Variants in HSD17B3 observed in about 807,000 individuals in gnomAD.
HSD17B3 encodes hydroxysteroid 17-beta dehydrogenase 3.
A neutral mutation model predicts 41.1 loss-of-function variants in HSD17B3; 29 were observed. That is an observed-to-expected ratio of 0.71 (90% CI 0.53 to 0.96). The LOEUF (loss-of-function observed/expected upper bound fraction) is 0.96. HSD17B3 is among the 40% of genes least tolerant of loss of function. HSD17B3 has a pLI of 0.00. For synonymous variants in HSD17B3, 126 were observed against 145.6 expected (o/e 0.87, Z 0.97); for missense variants, 323 against 374.6 (o/e 0.86, Z 1.14).
intron 2 of HSD17B3, among the ~76,000 whole-genome samples, chr9:96,265,350 G>A (rs923659228): frequency 8.5e-5 from 13 of 152,182 alleles, no homozygotes; most frequent in African/African-American, 2.9e-4. Context: ...TTCTTGCTTA[G>A]ATCCTTTGTT....
At chr9:96,281,853 C>G (rs1051265900) in intron 2 of HSD17B3, among the ~76,000 whole-genome samples, 23 of 152,328 alleles carry the variant, frequency 1.5e-4, no homozygotes, top group Admixed American at 7.9e-4. Flanking sequence ...TCGCCTCCCC[C>G]ACCCTGCCTC....
rs1836828028 is a variant in HSD17B3, at chr9:96,249,939, A to G, written c.454-153T>C. On this transcript the variant is annotated intron_variant, in intron 5 of 10. Coordinates refer to ENST00000375263, the MANE Select transcript of HSD17B3 (RefSeq NM_000197.2). Reference sequence around the variant, plus strand: ...CAAATTAGGCTCATAACTGCCTTCCAGCAAGCATGTACTAGCATCAAGAAA... The same window carrying G: ...CAAATTAGGCTCATAACTGCCTTCCGGCAAGCATGTACTAGCATCAAGAAA... 5 of 1,537,592 alleles carry G rather than the reference A, an allele frequency of 3.3e-6. No individual in the cohort carries two copies. The Admixed American group carries it at 7.8e-5, about 24-fold the overall frequency.
intron 10 of HSD17B3, among the ~76,000 whole-genome samples, chr9:96,240,249 A>C (rs1836384380): frequency 1.3e-5 from 2 of 152,158 alleles, no homozygotes; most frequent in Admixed American, 1.3e-4. Context: ...TAAAAATGAA[A>C]ACTAAAAAAA....
At chr9:96,296,154 G>A (rs1225504115) in intron 2 of HSD17B3, among the ~76,000 whole-genome samples, 1 of 152,108 alleles carries the variant, frequency 6.6e-6, no homozygotes, top group Admixed American at 6.5e-5. Flanking sequence ...GAGGCTGAGT[G>A]GGAGTATCAC....
At chr9:96,271,152 A>T (rs908158605) in intron 2 of HSD17B3, among the ~76,000 whole-genome samples, 6 of 152,186 alleles carry the variant, frequency 3.9e-5, no homozygotes, top group Non-Finnish European at 5.9e-5. Context: ...CTTAGTGTTC[A>T]TCCCTAAAGG....
intron 2 of HSD17B3, among the ~76,000 whole-genome samples, chr9:96,272,999 T>C (rs1826323111): frequency 6.6e-6 from 1 of 152,164 alleles, no homozygotes; most frequent in Admixed American, 6.5e-5. Flanking sequence ...TTAGATAACA[T>C]TCTTGAAGTG....
Position 96,245,284 on chromosome 9 carries a change from T to G in HSD17B3, c.606+61A>C, listed in dbSNP as rs1011611336. On this transcript the variant is annotated intron_variant, in intron 8 of 10. Transcript: ENST00000375263. ...CAACTTGCCAGATGATCAAAGGAAA[T>G]TGCCAACTGGGAGAAATAAGAGGAA... 1.4e-5 allele frequency: 19 copies of G among 1,320,828 alleles called. No homozygotes were observed. The African/African-American group carries it at 2.7e-4, about 19-fold the overall frequency. 81.8% of individuals were successfully genotyped at this position (1,320,828 alleles called of 1,614,324 possible).
At chr9:96,262,045 A>C (rs1825879485) in intron 2 of HSD17B3, among the ~76,000 whole-genome samples, 2 of 152,142 alleles carry the variant, frequency 1.3e-5, no homozygotes, top group Admixed American at 1.3e-4. Flanking sequence ...CAGTGAGGCA[A>C]CAGGAGTGGC....
At position 96,255,367 on chromosome 9, in the gene HSD17B3, C is replaced by CTTTTTTTTTTTTTTTTTTTTTTTTTTTT. The variant is rs869145717; in HGVS notation, c.202-452_202-425dup. Among the ~76,000 whole-genome samples, 7 of 54,566 alleles carry CTTTTTTTTTTTTTTTTTTTTTTTTTTTT rather than the reference C, an allele frequency of 1.3e-4. 1 individual carries two copies. Among genetic ancestry groups the CTTTTTTTTTTTTTTTTTTTTTTTTTTTT allele is most frequent in the Non-Finnish European group, 1.4e-4 (4 of 29,474 alleles). 35.8% of individuals were successfully genotyped at this position (54,566 alleles called of 152,430 possible). A position where few individuals can be genotyped will look rare whatever the true frequency, so the allele number is the denominator to read the frequency against. On this transcript the variant is annotated intron_variant, in intron 2 of 10. Coordinates refer to ENST00000375263, the MANE Select transcript of HSD17B3 (RefSeq NM_000197.2). ...AAGCAGTGTTTCTGCCCCAACATTT[C>CTTTTTTTTTTTTTTTTTTTTTTTTTTTT]TTTTTTTTTTTTTTTTTTTTTTTTT...
intron 2 of HSD17B3, among the ~76,000 whole-genome samples, chr9:96,278,740 A>G (rs757896230): frequency 4.6e-5 from 7 of 152,206 alleles, no homozygotes; most frequent in African/African-American, 2.4e-5. Context: ...GCTGTTAAGT[A>G]TTGGGTTTTT....
chr9:96,241,595 A>AT (rs1320781945), intron 9 of HSD17B3, among the ~76,000 whole-genome samples: 1 of 152,104 alleles, frequency 6.6e-6, no homozygotes, highest in Non-Finnish European at 1.5e-5. Context: ...GGGATTCATA[A>AT]TGGGGTTTTA....
chr9:96,272,559 A>G (rs1826307803), intron 2 of HSD17B3, among the ~76,000 whole-genome samples: 1 of 149,300 alleles, frequency 6.7e-6, no homozygotes, highest in Non-Finnish European at 1.5e-5. Context: ...CTAAAGTAAA[A>G]ACTAATGACA....
At chr9:96,298,676 T>G (rs575766641) in intron 1 of HSD17B3, among the ~76,000 whole-genome samples, 194 of 151,998 alleles carry the variant, frequency 1.3e-3, no homozygotes, top group African/African-American at 4.4e-3. Context: ...TTGGTTGGTT[T>G]GTTGGTTGGT....
chr9:96,266,065 C>A (rs1826034163), intron 2 of HSD17B3, among the ~76,000 whole-genome samples: 1 of 152,052 alleles, frequency 6.6e-6, no homozygotes, highest in Non-Finnish European at 1.5e-5. Context: ...AAGCAGCACA[C>A]AATATGAGGA....
At chr9:96,293,837 G>C (rs910654353) in intron 2 of HSD17B3, among the ~76,000 whole-genome samples, 1 of 152,226 alleles carries the variant, frequency 6.6e-6, no homozygotes, top group East Asian at 1.9e-4. Context: ...CATTTTGCCT[G>C]TCTCATCCTA....
At chr9:96,242,639 T>A (rs1198571570) in intron 9 of HSD17B3, among the ~76,000 whole-genome samples, 1 of 152,172 alleles carries the variant, frequency 6.6e-6, no homozygotes, top group Non-Finnish European at 1.5e-5. Flanking sequence ...GTCTTTTCAC[T>A]TTCTCCTCCT....
At chr9:96,271,167 T>G (rs967330024) in intron 2 of HSD17B3, among the ~76,000 whole-genome samples, 1 of 152,072 alleles carries the variant, frequency 6.6e-6, no homozygotes, top group Non-Finnish European at 1.5e-5. Flanking sequence ...TAAAGGCTGA[T>G]AAAAGAGACA....
At chr9:96,267,113 C>T (rs565719425) in intron 2 of HSD17B3, among the ~76,000 whole-genome samples, 1 of 151,542 alleles carries the variant, frequency 6.6e-6, no homozygotes, top group Non-Finnish European at 1.5e-5. Context: ...CAGACAAACG[C>T]GGGAAAGAGC....
Position 96,240,604 on chromosome 9 carries a change from G to A in HSD17B3, c.822+154C>T, listed in dbSNP as rs112209638. Among the ~76,000 whole-genome samples, 11 of 152,236 alleles carry A rather than the reference G, an allele frequency of 7.2e-5. No homozygotes were observed. In the South Asian group the frequency reaches 1.7e-3, roughly 23 times the overall value. On this transcript the variant is annotated intron_variant, in intron 10 of 10. Coordinates refer to ENST00000375263, the MANE Select transcript of HSD17B3 (RefSeq NM_000197.2). ...TCTAGTGGCTGAGCTCCCAGGCTCCGGCTTCTCTCCACCTCGCCACATAGT... is the reference window on the plus strand; with the variant it reads ...TCTAGTGGCTGAGCTCCCAGGCTCCAGCTTCTCTCCACCTCGCCACATAGT...
Sources: gnomAD v4.1 joint callset for allele counts (sites outside exome capture counted in the v4.1 genomes callset) on GRCh38, gnomAD v4.1.1 for gene constraint, MANE v1.5 for transcripts, NCBI Gene and HGNC (gene_info 2026-07-23, HGNC 2026-07-21) for gene names.